KAT6B: variants seen among roughly 807,000 people sequenced by gnomAD.
The protein encoded by KAT6B is lysine acetyltransferase 6B.
Under a neutral mutation model 187.5 loss-of-function variants are expected in KAT6B, and 10 were observed. The observed-to-expected ratio is 0.05, with a 90% confidence interval of 0.03 to 0.09. KAT6B has a LOEUF of 0.09. Ranked by LOEUF, KAT6B falls within the 10% of genes least tolerant of loss-of-function variation. The pLI is 1.00. For missense variants in KAT6B, 1,952 were observed against 2,558.9 expected, an observed-to-expected ratio of 0.76 and a Z score of 5.12; for synonymous variants, 861 against 926.8, an observed-to-expected ratio of 0.93 and a Z score of 1.29.
At position 75,024,959 on chromosome 10, in the gene KAT6B, G is replaced by C. The variant is rs750230825; in HGVS notation, c.3374G>C (p.Arg1125Thr). The C allele has an allele frequency of 1.2e-6, 2 of 1,613,760 alleles. No homozygotes were observed. Among genetic ancestry groups the C allele is most frequent in the Non-Finnish European group, 1.7e-6 (2 of 1,179,718 alleles). Residue 1125 changes from arginine (R) to threonine (T), a missense_variant and splice_region_variant, in exon 17 of 18, where the codon AGG (arginine) becomes ACG (threonine). By Grantham distance (71) the Arg-to-Thr change is moderately conservative. Around this residue, in one of 9 missense-constraint regions of KAT6B, gnomAD observed 758 missense variants for 891.4 expected, o/e 0.85. Coordinates refer to ENST00000287239, the MANE Select transcript of KAT6B (RefSeq NM_012330.4). Reference protein sequence around the residue: ...KPQSVAIKRKRPFVLKKKRGR... With the variant: ...KPQSVAIKRKTPFVLKKKRGR... ...TGTTATGTTTGGAATTAATTTCAGAGGCCTTTTGTACTAAAGAAGAAAAGG... is the reference window on the plus strand; with the variant it reads ...TGTTATGTTTGGAATTAATTTCAGACGCCTTTTGTACTAAAGAAGAAAAGG...
In KAT6B at chr10:74,978,102, C is replaced by A. The variant is rs577365258; in HGVS notation, c.2115+665C>A. On this transcript the variant is annotated intron_variant, in intron 9 of 17. Coordinates refer to ENST00000287239, the MANE Select transcript of KAT6B (RefSeq NM_012330.4). ...CAGTGTGGTCAGGTAGACTCCCTAC[C>A]CAACCCCACTTCCTGTTTTGTGGGG... Among the ~76,000 whole-genome samples, 13 of 152,270 alleles carry A rather than the reference C, an allele frequency of 8.5e-5. No individual in the cohort carries two copies. The South Asian group carries it at 2.7e-3, about 32-fold the overall frequency.
intron 8 of KAT6B, 79 bp from the exon 9 acceptor site, chr10:74,977,237 T>G: frequency 2.0e-6 from 3 of 1,509,994 alleles, no homozygotes; most frequent in Non-Finnish European, 2.7e-6. Flanking sequence ...TATGCTAATT[T>G]GGTGCCATTT....
intron 3 of KAT6B, among the ~76,000 whole-genome samples, chr10:74,939,195 C>G (rs1395695771): frequency 1.3e-5 from 2 of 152,082 alleles, no homozygotes; most frequent in African/African-American, 2.4e-5. Flanking sequence ...TACTCTCTGC[C>G]TGTTTGGTAG....
intron 3 of KAT6B, among the ~76,000 whole-genome samples, chr10:74,911,068 T>C (rs1057242369): frequency 1.2e-4 from 19 of 152,200 alleles, no homozygotes; most frequent in African/African-American, 4.1e-4. Flanking sequence ...TTGCCTCTCT[T>C]TGATTTCTAT....
At chr10:74,867,565 TA>T (rs1252900488) in intron 3 of KAT6B, among the ~76,000 whole-genome samples, 5 of 152,230 alleles carry the variant, frequency 3.3e-5, no homozygotes, top group Non-Finnish European at 7.3e-5. Context: ...AGCTTCTTTT[TA>T]GCTGTTGCTA....
chr10:74,984,999 C>T, intron 11 of KAT6B, 81 bp from the exon 12 acceptor site: 1 of 1,258,018 alleles, frequency 7.9e-7, no homozygotes, highest in South Asian at 1.2e-5. Flanking sequence ...GATGTACTTT[C>T]TGAAATACCA....
intron 3 of KAT6B, among the ~76,000 whole-genome samples, chr10:74,846,147 A>C (rs1380899426): frequency 6.6e-6 from 1 of 152,070 alleles, no homozygotes; most frequent in Non-Finnish European, 1.5e-5. Context: ...TATAGGCATG[A>C]GCCACTGTGC....
chr10:74,978,400 A>G (rs1209625983), intron 9 of KAT6B, among the ~76,000 whole-genome samples: 1 of 152,190 alleles, frequency 6.6e-6, no homozygotes, highest in African/African-American at 2.4e-5. Flanking sequence ...GTGCCCTTGA[A>G]TGGCCACTTT....
At chr10:74,935,036 C>T (rs1325155854) in intron 3 of KAT6B, among the ~76,000 whole-genome samples, 1 of 152,246 alleles carries the variant, frequency 6.6e-6, no homozygotes, top group Admixed American at 6.5e-5. Flanking sequence ...ATTCTGAGCT[C>T]TGTCACTTGC....
chr10:74,942,574 T>G (rs12268951), intron 3 of KAT6B, among the ~76,000 whole-genome samples: 2,279 of 151,984 alleles, frequency 0.015, 59 homozygotes, highest in African/African-American at 0.051. Flanking sequence ...GAGACCAGCC[T>G]GACCAAAATG....
At chr10:74,930,250 G>A (rs1426553773) in intron 3 of KAT6B, among the ~76,000 whole-genome samples, 2 of 152,022 alleles carry the variant, frequency 1.3e-5, no homozygotes, top group Admixed American at 6.6e-5. Flanking sequence ...AACATACTTT[G>A]AAAATACTTA....
intron 3 of KAT6B, among the ~76,000 whole-genome samples, chr10:74,952,761 A>G (rs1448426283): frequency 6.6e-6 from 1 of 150,492 alleles, no homozygotes; most frequent in Non-Finnish European, 1.5e-5. Flanking sequence ...GTCTTGGCTC[A>G]CTGCAACCTC....
chr10:74,992,109 A>G (rs1843155216), intron 13 of KAT6B, among the ~76,000 whole-genome samples: 1 of 152,118 alleles, frequency 6.6e-6, no homozygotes, highest in South Asian at 2.1e-4. Flanking sequence ...TTTTATTTCT[A>G]TTTGGTAAAT....
intron 3 of KAT6B, among the ~76,000 whole-genome samples, chr10:74,953,664 G>T: frequency 6.6e-6 from 1 of 152,144 alleles, no homozygotes; most frequent in East Asian, 1.9e-4. Context: ...ATCTATAGGG[G>T]ATTATGGAGA....
intron 13 of KAT6B, among the ~76,000 whole-genome samples, chr10:75,014,543 A>G (rs1378415672): frequency 6.6e-6 from 1 of 152,180 alleles, no homozygotes; most frequent in Non-Finnish European, 1.5e-5. Context: ...CAAATTTCTC[A>G]GTAAAATTAA....
intron 3 of KAT6B, among the ~76,000 whole-genome samples, chr10:74,888,457 G>C (rs765177114): frequency 6.6e-6 from 1 of 152,036 alleles, no homozygotes; most frequent in Non-Finnish European, 1.5e-5. Context: ...GACAGAAAGG[G>C]AACAAATGGC....
chr10:75,013,255 G>A (rs970022844), intron 13 of KAT6B, among the ~76,000 whole-genome samples: 2 of 152,176 alleles, frequency 1.3e-5, no homozygotes, highest in African/African-American at 4.8e-5. Flanking sequence ...CCTAAGGGTA[G>A]TCCTTGAAGT....
chr10:74,984,042 C>A (rs1176947906), intron 11 of KAT6B: 2 of 152,064 alleles, frequency 1.3e-5, no homozygotes, highest in Non-Finnish European at 2.9e-5. Context: ...TCCATCTTTC[C>A]TTTTTGTAAT....
At chr10:74,902,282 A>T (rs1045904035) in intron 3 of KAT6B, among the ~76,000 whole-genome samples, 1 of 152,076 alleles carries the variant, frequency 6.6e-6, no homozygotes, top group Admixed American at 6.5e-5. Context: ...TTCACGTTCC[A>T]GTTAGCTGGG....
Sources: allele counts gnomAD v4.1 joint callset (sites outside exome capture counted in the v4.1 genomes callset), GRCh38; gene constraint gnomAD v4.1.1; regional missense constraint gnomAD v4.1.1; transcripts MANE v1.5; gene names NCBI Gene and HGNC (gene_info 2026-07-23, HGNC 2026-07-21).